The following GRID2 variants were observed in gnomAD, a reference collection of about 807,000 sequenced individuals.
GRID2 encodes glutamate ionotropic receptor delta type subunit 2, also known as glutamate receptor ionotropic, delta-2.
A neutral mutation model predicts 114.8 loss-of-function variants in GRID2; 33 were observed. The observed-to-expected ratio is 0.29, with a 90% CI of 0.22 to 0.38. The LOEUF is 0.38. GRID2 is among the 10% of genes least tolerant of loss of function. The pLI is 1.00. For missense variants in GRID2, 1,184 were observed against 1,257.7 expected, an observed-to-expected ratio of 0.94 and a Z score of 0.89; for synonymous variants, 505 against 449.9, an observed-to-expected ratio of 1.12 and a Z score of -1.55.
chr4:93,116,932 T>G (rs913005366), intron 4 of GRID2, among the ~76,000 whole-genome samples: 5 of 152,034 alleles, frequency 3.3e-5, no homozygotes, highest in Non-Finnish European at 7.4e-5. Flanking sequence ...GTATTTCCCC[T>G]AGGAGCAGTG....
chr4:92,602,363 G>A (rs1729257634), intron 2 of GRID2, among the ~76,000 whole-genome samples: 1 of 152,168 alleles, frequency 6.6e-6, no homozygotes, highest in Admixed American at 6.5e-5. Flanking sequence ...CAATGAACAA[G>A]TAGGTGTCAT....
chr4:93,315,801 A>G (rs369496434), intron 8 of GRID2, among the ~76,000 whole-genome samples: 1 of 152,210 alleles, frequency 6.6e-6, no homozygotes, highest in Non-Finnish European at 1.5e-5. Flanking sequence ...TTGATTTATT[A>G]TAGTAACTTA....
chr4:92,450,977 CAAAT>C (rs1343736186), intron 1 of GRID2, among the ~76,000 whole-genome samples: 9 of 150,546 alleles, frequency 6.0e-5, no homozygotes, highest in Non-Finnish European at 1.3e-4. Flanking sequence ...CCATACAAAA[CAAAT>C]AGTTGTTTCT....
In GRID2 at chr4:93,005,364, A is replaced by G. The variant is rs908997531; in HGVS notation, c.245-79631A>G. On this transcript the variant is annotated intron_variant, in intron 2 of 15. Transcript: ENST00000282020. The stretch of plus-strand genomic sequence containing the variant: ...TACAGACTTTATACCAAATTCTCTG[A>G]CTTTCCACTGTGAATCCTGCTACTG... Among the ~76,000 whole-genome samples, 7 of 152,010 alleles carry G rather than the reference A, an allele frequency of 4.6e-5. 1 individual carries two copies. In the South Asian group the frequency reaches 1.4e-3, roughly 31 times the overall value.
intron 13 of GRID2, among the ~76,000 whole-genome samples, chr4:93,540,617 G>C (rs989102086): frequency 3.3e-5 from 5 of 152,110 alleles, no homozygotes; most frequent in African/African-American, 9.7e-5. Flanking sequence ...GGTGAGGAAG[G>C]GTAGAAATGT....
Position 93,653,811 on chromosome 4 carries a change from G to C in GRID2, c.2360+27376G>C, listed in dbSNP as rs1033406274. On this transcript the variant is annotated intron_variant, in intron 14 of 15. Transcript: ENST00000282020. ...CTCTGCTGGAAAGTATACATAGTCA[G>C]CGTGTCTGATTTTCTTAGGAGCTCT... Among the ~76,000 whole-genome samples the C allele has an allele frequency of 5.3e-5, 8 of 152,170 alleles. No individual in the cohort carries two copies. In the South Asian group the frequency reaches 6.2e-4, roughly 12 times the overall value.
chr4:92,942,262 G>C lies in GRID2; in HGVS notation c.245-142733G>C, dbSNP rs931054873. 3.7e-5 allele frequency among the ~76,000 whole-genome samples: 5 copies of C among 134,900 alleles called. No homozygotes were observed. The East Asian group carries it at 1.1e-3, about 29-fold the overall frequency. The allele number at this position is 134,900 out of a possible 152,430, so 88.5% of individuals were successfully genotyped here. On this transcript the variant is annotated intron_variant, in intron 2 of 15. Transcript: ENST00000282020. ...ATGAATCTGGGTGCTCCTGTATTGGGTGCATATATATTTAGGATAGTTAGC... is the reference window on the plus strand; with the variant it reads ...ATGAATCTGGGTGCTCCTGTATTGGCTGCATATATATTTAGGATAGTTAGC...
At chr4:92,727,726 T>C (rs1395345997) in intron 2 of GRID2, among the ~76,000 whole-genome samples, 1 of 152,000 alleles carries the variant, frequency 6.6e-6, no homozygotes, top group Non-Finnish European at 1.5e-5. Context: ...GAGCAGGTAA[T>C]TGATGGAGGA....
At chr4:92,690,191 C>G (rs1037888891) in intron 2 of GRID2, among the ~76,000 whole-genome samples, 1 of 150,036 alleles carries the variant, frequency 6.7e-6, no homozygotes, top group African/African-American at 2.5e-5. Context: ...TAGCTTTCAA[C>G]TGAAAGTTTA....
At chr4:93,481,350 T>C (rs1725842985) in intron 11 of GRID2, among the ~76,000 whole-genome samples, 1 of 152,066 alleles carries the variant, frequency 6.6e-6, no homozygotes, top group South Asian at 2.1e-4. Flanking sequence ...TATCAATGCA[T>C]GAGATATCTT....
At chr4:92,818,267 C>T (rs1015062657) in intron 2 of GRID2, among the ~76,000 whole-genome samples, 1 of 152,054 alleles carries the variant, frequency 6.6e-6, no homozygotes, top group African/African-American at 2.4e-5. Context: ...CAATAAATTA[C>T]ATTTGAATGA....
intron 2 of GRID2, among the ~76,000 whole-genome samples, chr4:92,834,591 C>G (rs918421011): frequency 6.6e-6 from 1 of 152,112 alleles, no homozygotes; most frequent in South Asian, 2.1e-4. Flanking sequence ...AAGACAGACA[C>G]AGTTTATACC....
chr4:93,725,728 G>A (rs543923717), intron 14 of GRID2, among the ~76,000 whole-genome samples: 2 of 151,860 alleles, frequency 1.3e-5, no homozygotes, highest in South Asian at 2.1e-4. Context: ...TTTCTCTGAT[G>A]GCCAGTGATG....
chr4:92,460,925 A>T (rs1370516101), intron 1 of GRID2, among the ~76,000 whole-genome samples: 1 of 151,940 alleles, frequency 6.6e-6, no homozygotes, highest in Non-Finnish European at 1.5e-5. Context: ...TCTTTAGAAA[A>T]AAATTACATA....
intron 14 of GRID2, among the ~76,000 whole-genome samples, chr4:93,632,245 C>T (rs963249020): frequency 3.9e-5 from 6 of 152,138 alleles, no homozygotes; most frequent in Non-Finnish European, 8.8e-5. Flanking sequence ...TCAGTTTTGG[C>T]TTTTGTTGCC....
intron 11 of GRID2, among the ~76,000 whole-genome samples, chr4:93,457,292 G>A (rs1275407784): frequency 6.6e-6 from 1 of 151,970 alleles, no homozygotes; most frequent in Non-Finnish European, 1.5e-5. Context: ...AGTTAACTAT[G>A]GAAAGTGCTT....
chr4:92,812,621 T>G (rs1455955879), intron 2 of GRID2, among the ~76,000 whole-genome samples: 1 of 152,130 alleles, frequency 6.6e-6, no homozygotes, highest in Non-Finnish European at 1.5e-5. Flanking sequence ...ATATGGTGAT[T>G]TTTGTTTTCT....
intron 1 of GRID2, among the ~76,000 whole-genome samples, chr4:92,408,431 C>CT (rs35638036): frequency 0.011 from 212 of 19,346 alleles, 1 homozygote; most frequent in Non-Finnish European, 0.014. Context: ...TATTCAAGCT[C>CT]TTTTTTTTTT....
Position 93,279,120 on chromosome 4 carries a change from G to T in GRID2, c.1245+40630G>T, listed in dbSNP as rs536925585. 2.6e-5 allele frequency among the ~76,000 whole-genome samples: 4 copies of T among 151,738 alleles called. No individual in the cohort carries two copies. The South Asian group carries it at 8.3e-4, about 32-fold the overall frequency. ...TACCCTTTTAAAGTACTGCACTTTA[G>T]TTACATAAATAACAAAATGTCCCAA... is the stretch of plus-strand genomic sequence containing the variant. On this transcript the variant is annotated intron_variant, in intron 8 of 15. Transcript: ENST00000282020.
Sources: gnomAD v4.1 joint callset for allele counts (sites outside exome capture counted in the v4.1 genomes callset) on GRCh38, gnomAD v4.1.1 for gene constraint, MANE v1.5 for transcripts, NCBI Gene and HGNC (gene_info 2026-07-23, HGNC 2026-07-21) for gene names.